The following XRN2 variants were observed in gnomAD, a reference collection of about 807,000 sequenced individuals.
XRN2 encodes the protein 5'-3' exoribonuclease 2.
In XRN2, 44 loss-of-function variants were observed where a neutral mutation model predicts 138.5. The ratio of observed to expected loss-of-function variants is 0.32; its 90% CI spans 0.25 to 0.41. The LOEUF (loss-of-function observed/expected upper bound fraction) is 0.41. XRN2 is among the 10% of genes least tolerant of loss of function. The probability of loss-of-function intolerance (pLI) is 1.00; values close to 1 mark genes in which losing one functional copy is unlikely to be tolerated. For synonymous variants in XRN2, 354 were observed against 369.4 expected, an observed-to-expected ratio of 0.96 and a Z score of 0.48; for missense variants, 937 against 1,169.3, an observed-to-expected ratio of 0.80 and a Z score of 2.90.
intron 13 of XRN2, among the ~76,000 whole-genome samples, chr20:21,336,221 A>T (rs1364526441): frequency 6.6e-6 from 1 of 152,170 alleles, no homozygotes; most frequent in Non-Finnish European, 1.5e-5. Flanking sequence ...GCACTTTGGG[A>T]GGCTAAGGTG....
chr20:21,358,804 T>G (rs1407110622), intron 24 of XRN2, among the ~76,000 whole-genome samples: 1 of 152,224 alleles, frequency 6.6e-6, no homozygotes, highest in East Asian at 1.9e-4. Flanking sequence ...GTCCTGGTTC[T>G]TTGTCTTTGT....
chr20:21,382,883 A>G (rs1182436503), intron 28 of XRN2, among the ~76,000 whole-genome samples: 2 of 152,238 alleles, frequency 1.3e-5, no homozygotes, highest in Non-Finnish European at 2.9e-5. Context: ...AGTAAATGCA[A>G]AAACAAATTA....
At position 21,333,565 on chromosome 20, in the gene XRN2, C is replaced by G; in HGVS notation, c.880C>G (p.Leu294Val). Reference sequence around the variant, plus strand: ...GCAGCATGATGAACTTGCCGATAGTCTTCCTTGTGCAGAAGGAGAGTTTAT... The same window carrying G: ...GCAGCATGATGAACTTGCCGATAGTGTTCCTTGTGCAGAAGGAGAGTTTAT... The part of the protein sequence containing the change: ...KGKHDELADS[L>V]PCAEGEFIFL... The change falls in exon 10 of 30, where the codon CTT (leucine) becomes GTT (valine). Residue 294 changes from leucine (L) to valine (V), a missense_variant. By Grantham distance (32) the Leu-to-Val change is conservative. Transcript: ENST00000377191. 1 of 1,613,268 alleles carries G rather than the reference C, an allele frequency of 6.2e-7. No individual in the cohort carries two copies. The highest frequency in any genetic ancestry group is 1.1e-5 in the South Asian group (1 of 91,058).
At chr20:21,340,107 C>G (rs1049368942) in intron 14 of XRN2, among the ~76,000 whole-genome samples, 1 of 152,190 alleles carries the variant, frequency 6.6e-6, no homozygotes, top group African/African-American at 2.4e-5. Flanking sequence ...TAAATTCTAG[C>G]AAGGCAAAGG....
At chr20:21,339,208 C>T (rs2038339652) in intron 14 of XRN2, 120 bp downstream of exon 14, 1 of 958,646 alleles carries the variant, frequency 1.0e-6, no homozygotes, top group African/African-American at 1.7e-5. Flanking sequence ...ACGTAAGTGT[C>T]CACCCAGTTA....
At chr20:21,365,285 A>G (rs1459060888) in intron 24 of XRN2, 136 bp from the exon 25 acceptor site, 52 of 741,450 alleles carry the variant, frequency 7.0e-5, no homozygotes, top group Non-Finnish European at 1.1e-4. Context: ...TGAGGAAGAC[A>G]TTTAGCCATT....
chr20:21,332,446 A>C lies in XRN2; in HGVS notation c.858+6A>C, dbSNP rs202174594. On this transcript the variant is annotated splice_donor_region_variant and intron_variant, in intron 9 of 29. Transcript: ENST00000377191. ...CAAGAGAAAAGAAGGGAAAGGTAAG[A>C]ACTTTGAGATGGTAGTTGCCTCATT... The C allele has an allele frequency of 6.3e-7, 1 of 1,591,536 alleles. No individual in the cohort carries two copies. The highest frequency in any genetic ancestry group is 2.2e-5 in the East Asian group (1 of 44,516).
chr20:21,326,537 A>C lies in XRN2; in HGVS notation c.251A>C (p.Tyr84Ser), dbSNP rs147260116. 24 of 1,614,000 alleles carry C rather than the reference A, an allele frequency of 1.5e-5. No homozygotes were observed. In the African/African-American group the frequency reaches 3.1e-4, roughly 21 times the overall value. Reference sequence around the variant, plus strand: ...GAAATGATGGTTGCAATTTTTGAGTACATTGACAGACTTTTCAGTATTGTA... The same window carrying C: ...GAAATGATGGTTGCAATTTTTGAGTCCATTGACAGACTTTTCAGTATTGTA... ...EDEMMVAIFE[Y>S]IDRLFSIVRP... The change falls in exon 3 of 30, where the codon TAC becomes TCC. Residue 84 changes from tyrosine (Y) to serine (S), a missense_variant. Around this residue, in one of 6 missense-constraint regions of XRN2, gnomAD observed 51 missense variants for 93.5 expected, o/e 0.55. Coordinates refer to ENST00000377191, the MANE Select transcript of XRN2 (RefSeq NM_012255.5).
intron 22 of XRN2, 69 bp from the exon 23 acceptor site, chr20:21,356,517 C>T: frequency 7.0e-7 from 1 of 1,431,656 alleles, no homozygotes; most frequent in Non-Finnish European, 9.7e-7. Flanking sequence ...GCTATGAACA[C>T]TCAAGAATCT....
At position 21,356,172 on chromosome 20, in the gene XRN2, A is replaced by G. The variant is rs367895318; in HGVS notation, c.2113A>G (p.Thr705Ala). Residue 705 changes from threonine (T) to alanine (A), a missense_variant, in exon 22 of 30, where the codon ACA (threonine) becomes GCA (alanine). Thr to Ala is a moderately conservative substitution (Grantham distance 58, BLOSUM62 0). Coordinates refer to ENST00000377191, the MANE Select transcript of XRN2 (RefSeq NM_012255.5). The part of the protein sequence containing the change: ...FILELYQTGS[T>A]EPVEVPPELC... Reference sequence around the variant, plus strand: ...TTTAGAGCTGTACCAGACAGGTTCCACAGAGGTATGTTACGCAATTTGGTT... The same window carrying G: ...TTTAGAGCTGTACCAGACAGGTTCCGCAGAGGTATGTTACGCAATTTGGTT... 2 of 1,605,918 alleles carry G rather than the reference A, an allele frequency of 1.2e-6. No individual in the cohort carries two copies. The highest frequency in any genetic ancestry group is 1.7e-6 in the Non-Finnish European group (2 of 1,176,850).
chr20:21,317,425 CAACT>C (rs948584146), intron 1 of XRN2, among the ~76,000 whole-genome samples: 1 of 151,830 alleles, frequency 6.6e-6, no homozygotes, highest in Non-Finnish European at 1.5e-5. Flanking sequence ...TTTGGATGTT[CAACT>C]AACTTTGCAT....
rs149263483 is a variant in XRN2, at chr20:21,357,040, G to A, written c.2198+375G>A. On this transcript the variant is annotated intron_variant, in intron 23 of 29. Transcript: ENST00000377191. ...GTAGCTATTAAATAGATACTAACCA[G>A]ATATTAATGAGATTTTTGAAAGTAT... Among the ~76,000 whole-genome samples the A allele has an allele frequency of 1.6e-4, 24 of 152,268 alleles. No individual in the cohort carries two copies. In the East Asian group the frequency reaches 4.4e-3, roughly 28 times the overall value.
intron 20 of XRN2, 31 bp downstream of exon 20, chr20:21,349,492 CTG>C (rs779277350): frequency 7.0e-7 from 1 of 1,432,570 alleles, no homozygotes; most frequent in East Asian, 2.3e-5. Context: ...TCTGGTAAAA[CTG>C]TGAACAAACA....
At chr20:21,351,008 G>A (rs2038503686) in intron 20 of XRN2, among the ~76,000 whole-genome samples, 1 of 152,092 alleles carries the variant, frequency 6.6e-6, no homozygotes, top group African/African-American at 2.4e-5. Context: ...GGGACAGTGA[G>A]GGATGTAAAA....
chr20:21,317,799 A>G (rs117532511), intron 1 of XRN2, among the ~76,000 whole-genome samples: 1,927 of 152,342 alleles, frequency 0.013, 25 homozygotes, highest in Non-Finnish European at 0.019. Context: ...TTTTTGATCC[A>G]TGATTGATCT....
intron 1 of XRN2, among the ~76,000 whole-genome samples, chr20:21,314,277 T>G (rs202828): frequency 6.6e-6 from 1 of 152,174 alleles, no homozygotes; most frequent in Admixed American, 6.5e-5. Flanking sequence ...TATTATTTGC[T>G]TATGGCCAAA....
rs1239297761 is a variant in XRN2 at position 21,368,474 on chromosome 20, C to T, written c.2468C>T (p.Pro823Leu). The T allele has an allele frequency of 2.5e-6, 4 of 1,613,600 alleles. No homozygotes were observed. In the Admixed American group the frequency reaches 5.0e-5, roughly 20 times the overall value. ...AAFRTLGHVMPRGSGTGIYSN... is the reference protein window; with the variant it reads ...AAFRTLGHVMLRGSGTGIYSN... ...GGGTCCTTTTATAGCCATGTGATGC[C>T]AAGAGGCTCAGGAACTGGCATTTAC... Residue 823 changes from proline to leucine, a missense_variant, in exon 27 of 30, where the codon CCA becomes CTA. This residue lies in a region of XRN2 where 372 missense variants were observed against 414.4 expected (regional missense o/e 0.90). Coordinates refer to ENST00000377191, the MANE Select transcript of XRN2 (RefSeq NM_012255.5).
At chr20:21,355,013 G>C (rs1327468269) in intron 21 of XRN2, 141 bp downstream of exon 21, 5 of 601,978 alleles carry the variant, frequency 8.3e-6, no homozygotes, top group Non-Finnish European at 1.3e-5. Context: ...TCTTATTACA[G>C]ACGTTGACTT....
At chr20:21,313,663 A>G (rs930813098) in intron 1 of XRN2, among the ~76,000 whole-genome samples, 3 of 152,206 alleles carry the variant, frequency 2.0e-5, no homozygotes, top group African/African-American at 4.8e-5. Context: ...AAAGGCAGAG[A>G]TGTTTTTGAG....
Sources: allele counts gnomAD v4.1 joint callset (sites outside exome capture counted in the v4.1 genomes callset), GRCh38; gene constraint gnomAD v4.1.1; regional missense constraint gnomAD v4.1.1; transcripts MANE v1.5; gene names NCBI Gene and HGNC (gene_info 2026-07-23, HGNC 2026-07-21).